IFRD2: variants seen among roughly 807,000 people sequenced by gnomAD.
IFRD2 encodes interferon-related developmental regulator 2.
IFRD2 carries 35 observed loss-of-function variants against 49.2 expected under a neutral mutation model. The ratio of observed to expected loss-of-function variants is 0.71; its 90% CI spans 0.54 to 0.94. The LOEUF (loss-of-function observed/expected upper bound fraction) is 0.94. IFRD2 is among the 40% of genes least tolerant of loss of function. The probability of loss-of-function intolerance (pLI) is 0.00; values close to 1 mark genes in which losing one functional copy is unlikely to be tolerated. For synonymous variants in IFRD2, 275 were observed against 239.7 expected (o/e 1.15, Z -1.36); for missense variants, 561 against 591.6 (o/e 0.95, Z 0.54).
Position 50,292,275 on chromosome 3 carries a change from G to T in IFRD2, c.-1C>A. The stretch of plus-strand genomic sequence containing the variant: ...TGTTGCCCTTACGGGCGCGAGGCAT[G>T]CCGGGAACCGGGCGCGGGGGGCGCG... On this transcript the variant is annotated 5_prime_UTR_variant, in exon 1 of 12. Coordinates refer to ENST00000417626, the MANE Select transcript of IFRD2 (RefSeq NM_006764.5). The T allele has an allele frequency of 6.4e-7, 1 of 1,550,948 alleles. No individual in the cohort carries two copies. Among genetic ancestry groups the T allele is most frequent in the Non-Finnish European group, 8.7e-7 (1 of 1,152,774 alleles).
chr3:50,288,499 A>G lies in IFRD2; in HGVS notation c.1158T>C (p.Asn386=). 6.2e-7 allele frequency: 1 copy of G among 1,611,166 alleles called. No homozygotes were observed. The highest frequency in any genetic ancestry group is 8.5e-7 in the Non-Finnish European group (1 of 1,177,356). ...GGCCAAAGATGTCACGGAGTAGCTCATTGTTCTGGGGGGCAGAGGGCAGTG... is the reference window on the plus strand; with the variant it reads ...GGCCAAAGATGTCACGGAGTAGCTCGTTGTTCTGGGGGGCAGAGGGCAGTG... ...GSGMHHHLQN[N]ELLRDIFGLG... The change falls in exon 11 of 12, where the codon AAT becomes AAC. Residue 386 remains asparagine, a synonymous_variant. Coordinates refer to ENST00000417626, the MANE Select transcript of IFRD2 (RefSeq NM_006764.5).
chr3:50,290,766 G>C (rs1701658187), intron 1 of IFRD2, 87 bp from the exon 2 acceptor site: 1 of 1,514,230 alleles, frequency 6.6e-7, no homozygotes, highest in Non-Finnish European at 9.0e-7. Context: ...AATCCCAAAA[G>C]ATAGAATGGT....
At position 50,292,414 on chromosome 3, in the gene IFRD2, C is replaced by T. The variant is rs1701698703; in HGVS notation, c.-140G>A. The T allele has an allele frequency of 4.4e-6, 7 of 1,595,628 alleles. No individual in the cohort carries two copies. The highest frequency in any genetic ancestry group is 5.9e-6 in the Non-Finnish European group (7 of 1,177,224). On this transcript the variant is annotated 5_prime_UTR_variant, in exon 1 of 12. Transcript: ENST00000417626. ...CACGCCACGCGCGCCACCATCTTCG[C>T]GAGGCGCCCCGCCCTGCCAAACAGG...
chr3:50,292,072 T>C, intron 1 of IFRD2, 145 bp downstream of exon 1: 1 of 896,584 alleles, frequency 1.1e-6, no homozygotes, highest in South Asian at 2.0e-5. Context: ...CTGGGGCACG[T>C]GCCAGCCTCG....
intron 8 of IFRD2, 115 bp downstream of exon 8, chr3:50,289,140 G>T: frequency 1.7e-6 from 2 of 1,171,264 alleles, no homozygotes; most frequent in South Asian, 2.8e-5. Context: ...CTGTTTTGGG[G>T]CCACCTCCTC....
intron 6 of IFRD2, 31 bp downstream of exon 6, chr3:50,289,681 G>A (rs782621268): frequency 1.2e-5 from 19 of 1,596,220 alleles, no homozygotes; most frequent in Non-Finnish European, 1.6e-5. Flanking sequence ...AGCCCTAGAT[G>A]CTCTACCACC....
In IFRD2 at chr3:50,290,232, G is replaced by T. The variant is rs781833970; in HGVS notation, c.326C>A (p.Pro109His). 1 of 1,613,440 alleles carries T rather than the reference G, an allele frequency of 6.2e-7. No individual in the cohort carries two copies. Among genetic ancestry groups the T allele is most frequent in the Admixed American group, 1.7e-5 (1 of 59,958 alleles). ...GAGGCGGCGCTCCAGCAAGAAGTCGGGGAGTAGGCGGGACGCTAGGGCCAG... is the reference window on the plus strand; with the variant it reads ...GAGGCGGCGCTCCAGCAAGAAGTCGTGGAGTAGGCGGGACGCTAGGGCCAG... ...LRLALASRLL[P>H]DFLLERRLTL... The change falls in exon 4 of 12, where the codon CCC becomes CAC. Residue 109 changes from proline to histidine, a missense_variant. Transcript: ENST00000417626.
Position 50,289,357 on chromosome 3 carries a change from C to G in IFRD2, c.783G>C (p.Gln261His), listed in dbSNP as rs1553709243. The change falls in exon 8 of 12, where the codon CAG becomes CAC. Residue 261 changes from glutamine (Q) to histidine (H), a missense_variant. Transcript: ENST00000417626. ...STQISHILDR[Q>H]LPRLPQLLSS... ...ACAAGAGCTGGGGCAGCCGGGGCAGCTGCCTAGGGAAGGGGCAGGCTGAGC... is the reference window on the plus strand; with the variant it reads ...ACAAGAGCTGGGGCAGCCGGGGCAGGTGCCTAGGGAAGGGGCAGGCTGAGC... The G allele has an allele frequency of 6.3e-7, 1 of 1,596,338 alleles. No individual in the cohort carries two copies. Among genetic ancestry groups the G allele is most frequent in the Admixed American group, 1.7e-5 (1 of 57,160 alleles).
Position 50,288,944 on chromosome 3 carries a change from T to C in IFRD2, c.886-7A>G. The C allele has an allele frequency of 6.2e-7, 1 of 1,611,234 alleles. No individual in the cohort carries two copies. The highest frequency in any genetic ancestry group is 1.3e-5 in the African/African-American group (1 of 75,018). On this transcript the variant is annotated splice_region_variant and splice_polypyrimidine_tract_variant and intron_variant, in intron 8 of 11. Transcript: ENST00000417626. ...CCTCGTAAACAAACTCCTCCTGCAA[T>C]GGGAGCATTGGAGGGTGTGTGGTAG...
chr3:50,292,103 G>A lies in IFRD2; in HGVS notation c.58+114C>T, dbSNP rs1701688088. The A allele has an allele frequency of 5.2e-6, 6 of 1,164,876 alleles. No homozygotes were observed. In the South Asian group the frequency reaches 1.0e-4, roughly 20 times the overall value. The allele number at this position is 1,164,876 out of a possible 1,614,324, so 72.2% of individuals were successfully genotyped here. On this transcript the variant is annotated intron_variant, in intron 1 of 11. Coordinates refer to ENST00000417626, the MANE Select transcript of IFRD2 (RefSeq NM_006764.5). ...CCTCGGTAGAGTTATGGGAAGCTGC[G>A]TGGGGCTGGCCGAGGGGGTTCCCCA...
chr3:50,290,472 C>T lies in IFRD2; in HGVS notation c.179G>A (p.Gly60Glu). The T allele has an allele frequency of 5.7e-6, 9 of 1,579,116 alleles. No homozygotes were observed. The highest frequency in any genetic ancestry group is 1.2e-5 in the South Asian group (1 of 86,864). Residue 60 changes from glycine to glutamate, a missense_variant and splice_region_variant, in exon 3 of 12, where the codon GGG becomes GAG. Coordinates refer to ENST00000417626, the MANE Select transcript of IFRD2 (RefSeq NM_006764.5). ...LLSTTAEDSL[G>E]GDVVDEQGQQ... ...GCCCTGCTCATCCACGACATCCCCCCCTGCAAGGCCACCTGGTCAGCACCG... is the reference window on the plus strand; with the variant it reads ...GCCCTGCTCATCCACGACATCCCCCTCTGCAAGGCCACCTGGTCAGCACCG...
Position 50,289,526 on chromosome 3 carries a change from G to A in IFRD2, c.700C>T (p.Leu234=), listed in dbSNP as rs782538221. 19 of 1,582,040 alleles carry A rather than the reference G, an allele frequency of 1.2e-5. No individual in the cohort carries two copies. In the South Asian group the frequency reaches 2.2e-4, roughly 18 times the overall value. Residue 234 remains leucine (L), a synonymous_variant, in exon 7 of 12, where the codon CTG becomes TTG. Coordinates refer to ENST00000417626, the MANE Select transcript of IFRD2 (RefSeq NM_006764.5). ...CAGGCCTGCAGGGCAGCAGAGAGCA[G>A]GCCGTGCAGGCTGGCAGGAACCACA... The part of the protein sequence containing the change: ...SPVVPASLHG[L]LSAALQAWAL...
Position 50,289,466 on chromosome 3 carries a change from T to C in IFRD2, c.760A>G (p.Ile254Val). Reference protein sequence around the residue: ...LLLTICPSTQISHILDRQLPR... With the variant: ...LLLTICPSTQVSHILDRQLPR... Reference sequence around the variant, plus strand: ...CCCTACCTGTCAAGGATGTGGCTGATTTGGGTGCTAGGGCAGATGGTGAGC... The same window carrying C: ...CCCTACCTGTCAAGGATGTGGCTGACTTGGGTGCTAGGGCAGATGGTGAGC... The change falls in exon 7 of 12, where the codon ATC (isoleucine) becomes GTC (valine). Residue 254 changes from isoleucine (I) to valine (V), a missense_variant. Coordinates refer to ENST00000417626, the MANE Select transcript of IFRD2 (RefSeq NM_006764.5). 1 of 1,581,876 alleles carries C rather than the reference T, an allele frequency of 6.3e-7. No individual in the cohort carries two copies. Among genetic ancestry groups the C allele is most frequent in the Non-Finnish European group, 8.6e-7 (1 of 1,163,768 alleles).
chr3:50,287,890 C>T lies in IFRD2; in HGVS notation c.*301G>A. On this transcript the variant is annotated 3_prime_UTR_variant, in exon 12 of 12. Coordinates refer to ENST00000417626, the MANE Select transcript of IFRD2 (RefSeq NM_006764.5). ...CTAAGAGTGGGTCATCCTGGGGGAG[C>T]AAGGCCTGAGAAAGGAAAGGAAGGG... The T allele has an allele frequency of 2.6e-6, 1 of 390,312 alleles. No individual in the cohort carries two copies. Among genetic ancestry groups the T allele is most frequent in the Admixed American group, 3.9e-5 (1 of 25,750 alleles). The allele number at this position is 390,312 out of a possible 1,614,324, so 24.2% of individuals were successfully genotyped here.
Position 50,289,628 on chromosome 3 carries a change from C to A in IFRD2, c.598G>T (p.Asp200Tyr). 6.3e-7 allele frequency: 1 copy of A among 1,598,794 alleles called. No individual in the cohort carries two copies. The highest frequency in any genetic ancestry group is 8.5e-7 in the Non-Finnish European group (1 of 1,172,920). The change falls in exon 7 of 12, where the codon GAC becomes TAC. Residue 200 changes from aspartate to tyrosine, a missense_variant and splice_region_variant. By Grantham distance (160) the Asp-to-Tyr change is radical. Coordinates refer to ENST00000417626, the MANE Select transcript of IFRD2 (RefSeq NM_006764.5). Reference sequence around the variant, plus strand: ...AAGCAGGCAAGGCAAGAGACCAGGTCCTAGGAGCACAGAGAGGCAGGGGAG... The same window carrying A: ...AAGCAGGCAAGGCAAGAGACCAGGTACTAGGAGCACAGAGAGGCAGGGGAG... ...GCYVAAADIQ[D>Y]LVSCLACLES...
Position 50,290,061 on chromosome 3 carries a change from A to T in IFRD2, c.414T>A (p.Ala138=). Residue 138 remains alanine (A), a synonymous_variant, in exon 5 of 12, where the codon GCT becomes GCA. Transcript: ENST00000417626. ...KKGKGEEQAL[A]AAVLGLLCVQ... is the part of the protein sequence containing the mutation. The stretch of plus-strand genomic sequence containing the variant: ...CGCAGAGCAGGCCTAGCACAGCAGC[A>T]GCCAGGGCTTGTTCCTCGCCCTTCC... 1 of 1,613,866 alleles carries T rather than the reference A, an allele frequency of 6.2e-7. No individual in the cohort carries two copies. Among genetic ancestry groups the T allele is most frequent in the Non-Finnish European group, 8.5e-7 (1 of 1,179,812 alleles).
In IFRD2 at chr3:50,288,875, G is replaced by A. The variant is rs782272122; in HGVS notation, c.948C>T (p.Asp316=). The part of the protein sequence containing the change: ...LCSVLRTLAT[D]SNKYRAKADR... The stretch of plus-strand genomic sequence containing the variant: ...CAGCCTTGGCACGGTACTTGTTACT[G>A]TCAGTGGCCAGAGTGCGCAGGACAC... Residue 316 remains aspartate, a synonymous_variant, in exon 9 of 12, where the codon GAC becomes GAT. Coordinates refer to ENST00000417626, the MANE Select transcript of IFRD2 (RefSeq NM_006764.5). The A allele has an allele frequency of 6.2e-7, 1 of 1,613,596 alleles. No individual in the cohort carries two copies. The highest frequency in any genetic ancestry group is 1.1e-5 in the South Asian group (1 of 90,976).
In IFRD2 at chr3:50,292,204, C is replaced by G. The variant is rs1553709893; in HGVS notation, c.58+13G>C. The stretch of plus-strand genomic sequence containing the variant: ...CGCTCATACAGCTGTCCCGCGCCCC[C>G]CACCCCACTCACCTCCTCCACGGCG... On this transcript the variant is annotated intron_variant, in intron 1 of 11. Transcript: ENST00000417626. 6.9e-7 allele frequency: 1 copy of G among 1,455,664 alleles called. No homozygotes were observed. The highest frequency in any genetic ancestry group is 2.6e-4 in the Middle Eastern group (1 of 3,916). The allele number at this position is 1,455,664 out of a possible 1,614,324, so 90.2% of individuals were successfully genotyped here.
In IFRD2 at chr3:50,289,706, C is replaced by A. The variant is rs1701634358; in HGVS notation, c.597+6G>T. ...GCTCTACCACCTGTGCCCAAAGACC[C>A]CTCACCTGGATGTCAGCGGCAGCCA... On this transcript the variant is annotated splice_donor_region_variant and intron_variant, in intron 6 of 11. Transcript: ENST00000417626. 1 of 1,600,866 alleles carries A rather than the reference C, an allele frequency of 6.2e-7. No individual in the cohort carries two copies.
Sources: gnomAD v4.1 joint callset for allele counts on GRCh38, gnomAD v4.1.1 for gene constraint, MANE v1.5 for transcripts, NCBI Gene and HGNC (gene_info 2026-07-23, HGNC 2026-07-21) for gene names.